ZNF467: variants seen among roughly 807,000 people sequenced by gnomAD.
The protein encoded by ZNF467 is zinc finger protein EZI.
In ZNF467, 51 loss-of-function variants were observed where a neutral mutation model predicts 47.8. That is an observed-to-expected ratio of 1.07 (90% CI 0.85 to 1.35). The LOEUF is 1.35. Among genes scored for constraint, ZNF467 ranks in the 40% most tolerant of loss-of-function variants. The pLI is 0.00. For missense variants in ZNF467, 992 were observed against 858.1 expected (o/e 1.16, Z -1.95); for synonymous variants, 416 against 372.9 (o/e 1.12, Z -1.33).
chr7:149,768,685 G>C (rs989676377), intron 4 of ZNF467, among the ~76,000 whole-genome samples: 5 of 152,212 alleles, frequency 3.3e-5, no homozygotes, highest in African/African-American at 1.2e-4. Context: ...TGGAGCATCT[G>C]GGTACCCTCA....
chr7:149,765,063 G>GC lies in ZNF467; in HGVS notation c.1438dup (p.Ala480GlyfsTer241). On this transcript the variant is annotated frameshift_variant, in exon 5 of 5. Transcript: ENST00000302017. LOFTEE classifies it high-confidence loss of function. ...GGCGAAAGGCCTGGCGCCGCTGTGG[G>GC]CCCTGGAGTGGGCGACCAGATTAGG... 6.7e-7 allele frequency: 1 copy of GC among 1,489,988 alleles called. No homozygotes were observed. Among genetic ancestry groups the GC allele is most frequent in the Non-Finnish European group, 8.9e-7 (1 of 1,125,912 alleles). 92.3% of individuals were successfully genotyped at this position (1,489,988 alleles called of 1,614,324 possible).
rs1250706233 is a variant in ZNF467, at chr7:149,770,559, G to A, written c.35-3C>T. On this transcript the variant is annotated splice_polypyrimidine_tract_variant and splice_region_variant and intron_variant, in intron 2 of 4. Transcript: ENST00000302017. The stretch of plus-strand genomic sequence containing the variant: ...CTCTGGCTGTCCCACAGAGAATCCT[G>A]TTACAGGCAGAAGGATGGGTCCAAG... 6.2e-7 allele frequency: 1 copy of A among 1,610,558 alleles called. No homozygotes were observed. Among genetic ancestry groups the A allele is most frequent in the Non-Finnish European group, 8.5e-7 (1 of 1,177,918 alleles).
chr7:149,770,894 G>A (rs1043162110), intron 2 of ZNF467, 105 bp downstream of exon 2: 11 of 1,435,022 alleles, frequency 7.7e-6, no homozygotes, highest in Non-Finnish European at 1.1e-5. Flanking sequence ...GGCCCCTGGG[G>A]CCTCAGGGTT....
Position 149,765,199 on chromosome 7 carries a change from C to A in ZNF467, c.1303G>T (p.Asp435Tyr). The change falls in exon 5 of 5, where the codon GAC becomes TAC. Residue 435 changes from aspartate to tyrosine, a missense_variant. Asp to Tyr is a radical substitution (Grantham distance 160). Transcript: ENST00000302017. ...CCATGGGAGAAGCCGCGCCCGCAGT[C>A]CGGGCAGAAGAAGGACCGCTCGCCC... Reference protein sequence around the residue: ...PSGERSFFCPDCGRGFSHGQH... With the variant: ...PSGERSFFCPYCGRGFSHGQH... The A allele has an allele frequency of 2.0e-6, 3 of 1,507,046 alleles. No homozygotes were observed. Among genetic ancestry groups the A allele is most frequent in the Non-Finnish European group, 2.6e-6 (3 of 1,132,130 alleles). 93.4% of individuals were successfully genotyped at this position (1,507,046 alleles called of 1,614,324 possible).
At position 149,770,447 on chromosome 7, in the gene ZNF467, C is replaced by A; in HGVS notation, c.144G>T (p.Val48=). The change falls in exon 3 of 5, where the codon GTG becomes GTT. Residue 48 remains valine, a synonymous_variant. Coordinates refer to ENST00000302017, the MANE Select transcript of ZNF467 (RefSeq NM_207336.3). The stretch of plus-strand genomic sequence containing the variant: ...AGGGTTCCTGTTACCTACCTGAGCA[C>A]ACCCCCAGTGCTCTCTCTTCCCTAG... ...SSSREERALG[V]CSGHEAPTPE... The A allele has an allele frequency of 1.2e-6, 2 of 1,606,642 alleles. No homozygotes were observed. Among genetic ancestry groups the A allele is most frequent in the South Asian group, 2.2e-5 (2 of 90,184 alleles).
chr7:149,766,083 GC>G lies in ZNF467; in HGVS notation c.418del (p.Ala140ProfsTer5). ...LAAAYKLEPGAPGALSGLALS... is the reference protein window; with the variant it reads ...LAAAYKLEPGXPGALSGLALS... ...CGCGAGCCCACTCAGTGCCCCCGGG[GC>G]CCCTGGCTCCAGTTTGTACGCGGCA... is the stretch of plus-strand genomic sequence containing the variant. On this transcript the variant is annotated frameshift_variant, in exon 5 of 5. Coordinates refer to ENST00000302017, the MANE Select transcript of ZNF467 (RefSeq NM_207336.3). LOFTEE classifies it high-confidence loss of function. 6.2e-7 allele frequency: 1 copy of G among 1,610,494 alleles called. No individual in the cohort carries two copies.
upstream of ZNF467, chr7:149,776,182 A>AC (rs1278575148): frequency 3.3e-6 from 2 of 602,590 alleles, no homozygotes; most frequent in Non-Finnish European, 2.2e-6. Context: ...CGTGCCCCCC[A>AC]CCCCCGGGAT....
In ZNF467 at chr7:149,766,109, A is replaced by G; in HGVS notation, c.393T>C (p.Ala131=). Residue 131 remains alanine, a synonymous_variant, in exon 5 of 5, where the codon GCT becomes GCC. Coordinates refer to ENST00000302017, the MANE Select transcript of ZNF467 (RefSeq NM_207336.3). ...PFPAPDLGHL[A]AAYKLEPGAP... is the part of the protein sequence containing the mutation. ...CCCCTGGCTCCAGTTTGTACGCGGC[A>G]GCCAGATGCCCCAGGTCAGGCGCGG... 1 of 1,609,416 alleles carries G rather than the reference A, an allele frequency of 6.2e-7. No homozygotes were observed. The highest frequency in any genetic ancestry group is 1.1e-5 in the South Asian group (1 of 90,814).
At chr7:149,767,749 G>A (rs965558323) in intron 4 of ZNF467, among the ~76,000 whole-genome samples, 7 of 152,112 alleles carry the variant, frequency 4.6e-5, no homozygotes, top group Non-Finnish European at 8.8e-5. Flanking sequence ...ATGGGGTCTC[G>A]CTGTGTTGCC....
At chr7:149,775,084 G>T (rs533470734), upstream of ZNF467, among the ~76,000 whole-genome samples, 1 of 152,116 alleles carries the variant, frequency 6.6e-6, no homozygotes, top group Non-Finnish European at 1.5e-5. Flanking sequence ...CCTCCCAGCC[G>T]GATTCTCGGA....
rs550029484 is a variant in ZNF467 at position 149,768,970 on chromosome 7, AG to A, written c.262+119del. On this transcript the variant is annotated intron_variant, in intron 4 of 4. Coordinates refer to ENST00000302017, the MANE Select transcript of ZNF467 (RefSeq NM_207336.3). ...GGGCCTGAACTCAACTTGGGTTAGA[AG>A]GGCCTGGACTGCCTGTCTTGGGGGA... is the stretch of plus-strand genomic sequence containing the variant. The A allele has an allele frequency of 1.9e-4, 152 of 816,934 alleles. No individual in the cohort carries two copies. In the African/African-American group the frequency reaches 2.4e-3, roughly 13 times the overall value. 50.6% of individuals were successfully genotyped at this position (816,934 alleles called of 1,614,324 possible).
rs1275278821 is a variant in ZNF467, at chr7:149,770,501, G to A, written c.90C>T (p.Ser30=). Residue 30 remains serine, a synonymous_variant, in exon 3 of 5, where the codon TCC becomes TCT. Transcript: ENST00000302017. The part of the protein sequence containing the change: ...MAPQSEPREG[S]HNAQEQMSSS... ...AGGACATCTGCTCCTGGGCATTATG[G>A]GATCCTTCCCTGGGCTCACTTTGGG... 1.9e-6 allele frequency: 3 copies of A among 1,613,734 alleles called. No individual in the cohort carries two copies. Among genetic ancestry groups the A allele is most frequent in the South Asian group, 2.2e-5 (2 of 91,056 alleles).
Position 149,773,175 on chromosome 7 carries a change from C to A in ZNF467, c.-110G>T, listed in dbSNP as rs1799482485. 6.6e-6 allele frequency: 1 copy of A among 150,958 alleles called. No homozygotes were observed. The highest frequency in any genetic ancestry group is 1.5e-5 in the Non-Finnish European group (1 of 67,770). 9.4% of individuals were successfully genotyped at this position (150,958 alleles called of 1,614,324 possible). On this transcript the variant is annotated 5_prime_UTR_variant, in exon 1 of 5. Coordinates refer to ENST00000302017, the MANE Select transcript of ZNF467 (RefSeq NM_207336.3). ...GCCCGGGCCTCCTGCCCCGCCGGCTCTGCTCACAATGGCGCTCGCCGCCTG... is the reference window on the plus strand; with the variant it reads ...GCCCGGGCCTCCTGCCCCGCCGGCTATGCTCACAATGGCGCTCGCCGCCTG...
chr7:149,769,195 C>A lies in ZNF467; in HGVS notation c.157G>T (p.Glu53Ter). 6.4e-7 allele frequency: 1 copy of A among 1,554,458 alleles called. No homozygotes were observed. The highest frequency in any genetic ancestry group is 1.9e-5 in the Admixed American group (1 of 51,508). The change falls in exon 4 of 5, where the codon GAG becomes TAG. Residue 53 changes from glutamate to a stop codon, truncating the protein, a stop_gained. Transcript: ENST00000302017. LOFTEE classifies it high-confidence loss of function. This position sits in a 1 kb window ranked among gnomAD's most constrained non-coding sequence, Gnocchi z 5.3. ...GCACCTTCCTCCGGTGTAGGGGCCT[C>A]GTGCCCTGGCAGAGAATAGGATACC... ...ERALGVCSGHEAPTPEEGAHT... is the reference protein window; with the variant it reads ...ERALGVCSGH
At position 149,765,167 on chromosome 7, in the gene ZNF467, G is replaced by T. The variant is rs1029655948; in HGVS notation, c.1335C>A (p.His445Gln). The T allele has an allele frequency of 2.7e-6, 4 of 1,500,898 alleles. No individual in the cohort carries two copies. The highest frequency in any genetic ancestry group is 3.5e-6 in the Non-Finnish European group (4 of 1,129,480). 93.0% of individuals were successfully genotyped at this position (1,500,898 alleles called of 1,614,324 possible). Residue 445 changes from histidine to glutamine, a missense_variant, in exon 5 of 5, where the codon CAC (histidine) becomes CAA (glutamine). Physicochemically the swap from His to Gln is conservative, Grantham distance 24. Transcript: ENST00000302017. ...TGTGCACGCGCGGGTGCCGCGCCAGGTGCTGCCCATGGGAGAAGCCGCGCC... is the reference window on the plus strand; with the variant it reads ...TGTGCACGCGCGGGTGCCGCGCCAGTTGCTGCCCATGGGAGAAGCCGCGCC... ...DCGRGFSHGQ[H>Q]LARHPRVHTG...
chr7:149,767,165 T>A (rs1799251168), intron 4 of ZNF467, among the ~76,000 whole-genome samples: 1 of 152,250 alleles, frequency 6.6e-6, no homozygotes, highest in Admixed American at 6.5e-5. Context: ...TTAACCTCTT[T>A]GAGTTACATT....
Position 149,765,728 on chromosome 7 carries a change from G to A in ZNF467, c.774C>T (p.His258=). The A allele has an allele frequency of 6.2e-7, 1 of 1,613,600 alleles. No homozygotes were observed. The highest frequency in any genetic ancestry group is 8.5e-7 in the Non-Finnish European group (1 of 1,179,848). Residue 258 remains histidine (H), a synonymous_variant, in exon 5 of 5, where the codon CAC becomes CAT. Transcript: ENST00000302017. Reference sequence around the variant, plus strand: ...TGTGGGTCTTTTGGTGCGAGCCCAGGTGGATCTTCTGGCTGAAGCGCTTGC... The same window carrying A: ...TGTGGGTCTTTTGGTGCGAGCCCAGATGGATCTTCTGGCTGAAGCGCTTGC... ...ECGKRFSQKI[H]LGSHQKTHTG...
chr7:149,771,377 G>C (rs1799400750), intron 1 of ZNF467, among the ~76,000 whole-genome samples: 1 of 152,112 alleles, frequency 6.6e-6, no homozygotes, highest in East Asian at 1.9e-4. Context: ...ACGCCCCAGC[G>C]TCCTTGCCTG....
Position 149,769,109 on chromosome 7 carries a change from C to CT in ZNF467, c.242dup (p.Pro82AlafsTer45). ...ACTCACCTGGGCAGGTACCCACAGG[C>CT]TGAGCCTTCTGTGCTGAGCACGCCT... On this transcript the variant is annotated frameshift_variant, in exon 4 of 5. Coordinates refer to ENST00000302017, the MANE Select transcript of ZNF467 (RefSeq NM_207336.3). LOFTEE classifies it high-confidence loss of function. This position sits in a 1 kb window ranked among gnomAD's most constrained non-coding sequence, Gnocchi z 5.3. 6.4e-7 allele frequency: 1 copy of CT among 1,554,390 alleles called. No homozygotes were observed. The highest frequency in any genetic ancestry group is 8.7e-7 in the Non-Finnish European group (1 of 1,148,472).
Sources: allele counts gnomAD v4.1 joint callset (sites outside exome capture counted in the v4.1 genomes callset), GRCh38; gene constraint gnomAD v4.1.1; non-coding constraint Gnocchi (gnomAD v3.1); transcripts MANE v1.5; gene names NCBI Gene and HGNC (gene_info 2026-07-23, HGNC 2026-07-21).